The following SEC14L4 variants were observed in gnomAD, a reference collection of about 807,000 sequenced individuals.
SEC14L4 encodes the protein SEC14-like protein 4.
A neutral mutation model predicts 55.1 loss-of-function variants in SEC14L4; 42 were observed. The ratio of observed to expected loss-of-function variants is 0.76; its 90% confidence interval spans 0.60 to 0.99. The LOEUF is 0.99. SEC14L4 is among the 50% of genes least tolerant of loss of function. SEC14L4 has a pLI of 0.00. For synonymous variants in SEC14L4, 206 were observed against 206.8 expected (o/e 1.00, Z 0.03); for missense variants, 445 against 512.1 (o/e 0.87, Z 1.27).
chr22:30,502,447 T>G (rs921592165), intron 2 of SEC14L4, among the ~76,000 whole-genome samples: 2 of 152,244 alleles, frequency 1.3e-5, no homozygotes, highest in Non-Finnish European at 2.9e-5. Context: ...ACTGTATGTA[T>G]GCTTTCCGGG....
At chr22:30,496,066 C>A in intron 2 of SEC14L4, 95 bp from the exon 3 acceptor site, 1 of 861,496 alleles carries the variant, frequency 1.2e-6, no homozygotes, top group South Asian at 1.6e-5. Context: ...TGTCCCCAGC[C>A]TTTTCCTGAC....
At position 30,495,452 on chromosome 22, in the gene SEC14L4, TG is replaced by T; in HGVS notation, c.235-11del. 1 of 1,612,324 alleles carries T rather than the reference TG, an allele frequency of 6.2e-7. No homozygotes were observed. The highest frequency in any genetic ancestry group is 8.5e-7 in the Non-Finnish European group (1 of 1,179,028). On this transcript the variant is annotated splice_polypyrimidine_tract_variant and intron_variant, in intron 4 of 11. Coordinates refer to ENST00000255858, the MANE Select transcript of SEC14L4 (RefSeq NM_174977.4). Reference sequence around the variant, plus strand: ...CATACAGCTGGATGACCTGGAAGTGTGGGTAAGGTCCCGACTCAATCCAGCT... The same window carrying T: ...CATACAGCTGGATGACCTGGAAGTGTGGTAAGGTCCCGACTCAATCCAGCT...
chr22:30,497,500 G>C (rs1410074745), intron 2 of SEC14L4, among the ~76,000 whole-genome samples: 1 of 151,652 alleles, frequency 6.6e-6, no homozygotes, highest in Admixed American at 6.6e-5. Context: ...ACTCCAGCCT[G>C]GGTGACTGAG....
At position 30,495,602 on chromosome 22, in the gene SEC14L4, A is replaced by G; in HGVS notation, c.215T>C (p.Val72Ala). The part of the protein sequence containing the change: ...FRKQQDLDNI[V>A]TWQPPEVIQL... ...GCTCACCTCAGGGGGCTGCCATGTGACAATGTTGTCCAGGTCTTGTTGCTT... is the reference window on the plus strand; with the variant it reads ...GCTCACCTCAGGGGGCTGCCATGTGGCAATGTTGTCCAGGTCTTGTTGCTT... The change falls in exon 4 of 12, where the codon GTC (valine) becomes GCC (alanine). Residue 72 changes from valine to alanine, a missense_variant. Coordinates refer to ENST00000255858, the MANE Select transcript of SEC14L4 (RefSeq NM_174977.4). 1 of 1,613,964 alleles carries G rather than the reference A, an allele frequency of 6.2e-7. No homozygotes were observed. The highest frequency in any genetic ancestry group is 8.5e-7 in the Non-Finnish European group (1 of 1,180,016).
rs754927361 is a variant in SEC14L4, at chr22:30,495,238, C to T, written c.423+16G>A. ...CCTGTAGACAGATGAGGCCCAGCCC[C>T]ACCCCCGCTGCTCACCTTCTGAGTT... is the stretch of plus-strand genomic sequence containing the variant. On this transcript the variant is annotated intron_variant, in intron 5 of 11. Transcript: ENST00000255858. 1 of 1,589,206 alleles carries T rather than the reference C, an allele frequency of 6.3e-7. No individual in the cohort carries two copies.
In SEC14L4 at chr22:30,492,567, A is replaced by G; in HGVS notation, c.581-10T>C. 6.2e-7 allele frequency: 1 copy of G among 1,607,774 alleles called. No homozygotes were observed. ...GGGAACAGTTTTGGGGCTGAAACAC[A>G]TGTAAATCTCTTGAGAAGCTGGACC... On this transcript the variant is annotated splice_polypyrimidine_tract_variant and intron_variant, in intron 7 of 11. Transcript: ENST00000255858.
chr22:30,495,473 C>T (rs1197358870), intron 4 of SEC14L4, 31 bp from the exon 5 acceptor site: 2 of 1,610,426 alleles, frequency 1.2e-6, no homozygotes, highest in Non-Finnish European at 1.7e-6. Context: ...CCGACTCAAT[C>T]CAGCTCACCA....
intron 1 of SEC14L4, among the ~76,000 whole-genome samples, chr22:30,504,729 G>A (rs1399275833): frequency 1.3e-5 from 2 of 152,314 alleles, no homozygotes; most frequent in Non-Finnish European, 2.9e-5. Context: ...CATCTGTTGC[G>A]TCTGAGAGAG....
Position 30,494,336 on chromosome 22 carries a change from A to G in SEC14L4, c.520-126T>C. The G allele has an allele frequency of 5.5e-6, 4 of 727,394 alleles. No individual in the cohort carries two copies. In the South Asian group the frequency reaches 6.3e-5, roughly 12 times the overall value. 45.1% of individuals were successfully genotyped at this position (727,394 alleles called of 1,614,324 possible). A position where few individuals can be genotyped will look rare whatever the true frequency, so the allele number is the denominator to read the frequency against. ...GGCCCATCCTACCTTCCCCACAAGC[A>G]TGTGCCTCTTCCTCTCTGTTATTCT... On this transcript the variant is annotated intron_variant, in intron 6 of 11. Transcript: ENST00000255858.
chr22:30,495,612 C>G lies in SEC14L4; in HGVS notation c.205G>C (p.Asp69His). Residue 69 changes from aspartate (D) to histidine (H), a missense_variant, in exon 4 of 12, where the codon GAC (aspartate) becomes CAC (histidine). Coordinates refer to ENST00000255858, the MANE Select transcript of SEC14L4 (RefSeq NM_174977.4). ...HMEFRKQQDL[D>H]NIVTWQPPEV... ...GGGGGCTGCCATGTGACAATGTTGT[C>G]CAGGTCTTGTTGCTTCCGGAACTCC... 1 of 1,614,010 alleles carries G rather than the reference C, an allele frequency of 6.2e-7. No homozygotes were observed. The highest frequency in any genetic ancestry group is 8.5e-7 in the Non-Finnish European group (1 of 1,180,018).
chr22:30,503,630 C>A (rs35340872), intron 2 of SEC14L4, 47 bp downstream of exon 2: 3 of 1,392,204 alleles, frequency 2.2e-6, no homozygotes, highest in Non-Finnish European at 2.0e-6. Context: ...CTGAGACCCT[C>A]CTTCCTTCCC....
chr22:30,504,247 A>C (rs1601860658), intron 1 of SEC14L4, among the ~76,000 whole-genome samples: 1 of 151,680 alleles, frequency 6.6e-6, no homozygotes, highest in African/African-American at 2.4e-5. Flanking sequence ...TAGAGATGGG[A>C]TCTTGCTATG....
chr22:30,492,073 A>T lies in SEC14L4; in HGVS notation c.747T>A (p.Asp249Glu). Residue 249 changes from aspartate to glutamate, a missense_variant, in exon 9 of 12, where the codon GAT (aspartate) becomes GAA (glutamate). By Grantham distance (45) the Asp-to-Glu change is conservative. Coordinates refer to ENST00000255858, the MANE Select transcript of SEC14L4 (RefSeq NM_174977.4). Reference sequence around the variant, plus strand: ...CCTTGGTCAGGCACTTGGGGTTGCCATCGGGGTCAGTCATGGTCCCCCCAA... The same window carrying T: ...CCTTGGTCAGGCACTTGGGGTTGCCTTCGGGGTCAGTCATGGTCCCCCCAA... The part of the protein sequence containing the change: ...VEFGGTMTDP[D>E]GNPKCLTKIN... The T allele has an allele frequency of 6.2e-7, 1 of 1,613,780 alleles. No individual in the cohort carries two copies. Among genetic ancestry groups the T allele is most frequent in the Non-Finnish European group, 8.5e-7 (1 of 1,179,816 alleles).
intron 2 of SEC14L4, among the ~76,000 whole-genome samples, chr22:30,497,205 G>A (rs1039385026): frequency 1.4e-4 from 21 of 152,124 alleles, no homozygotes; most frequent in African/African-American, 4.3e-4. Flanking sequence ...TGGGCATGGC[G>A]GCAGGTGCCT....
rs1397764572 is a variant in SEC14L4, at chr22:30,488,948, G to A, written c.*1159C>T. Reference sequence around the variant, plus strand: ...TCAAACACCCAGTTGGAACAGGAATGCCTCGTGGCACTGGCTTTAGGAGTT... The same window carrying A: ...TCAAACACCCAGTTGGAACAGGAATACCTCGTGGCACTGGCTTTAGGAGTT... On this transcript the variant is annotated 3_prime_UTR_variant, in exon 12 of 12. Transcript: ENST00000255858. 2 of 141,332 alleles carry A rather than the reference G, an allele frequency of 1.4e-5. No individual in the cohort carries two copies. Among genetic ancestry groups the A allele is most frequent in the Non-Finnish European group, 3.0e-5 (2 of 66,806 alleles). The allele number at this position is 141,332 out of a possible 1,614,324, so 8.8% of individuals were successfully genotyped here.
At chr22:30,497,650 A>G (rs563912051) in intron 2 of SEC14L4, among the ~76,000 whole-genome samples, 42 of 152,268 alleles carry the variant, frequency 2.8e-4, no homozygotes, top group African/African-American at 8.7e-4. Context: ...CTGAACCCAA[A>G]TCTGACCTGT....
chr22:30,495,615 G>T lies in SEC14L4; in HGVS notation c.202C>A (p.Leu68Met), dbSNP rs751477215. ...GGCTGCCATGTGACAATGTTGTCCA[G>T]GTCTTGTTGCTTCCGGAACTCCATG... Reference protein sequence around the residue: ...RHMEFRKQQDLDNIVTWQPPE... With the variant: ...RHMEFRKQQDMDNIVTWQPPE... The change falls in exon 4 of 12, where the codon CTG becomes ATG. Residue 68 changes from leucine (L) to methionine (M), a missense_variant. Physicochemically the swap from Leu to Met is conservative, Grantham distance 15 (BLOSUM62 2). Coordinates refer to ENST00000255858, the MANE Select transcript of SEC14L4 (RefSeq NM_174977.4). The T allele has an allele frequency of 6.2e-7, 1 of 1,613,958 alleles. No homozygotes were observed. The highest frequency in any genetic ancestry group is 8.5e-7 in the Non-Finnish European group (1 of 1,180,046).
intron 3 of SEC14L4, 66 bp downstream of exon 3, chr22:30,495,862 C>T (rs1171358998): frequency 1.9e-6 from 3 of 1,594,900 alleles, no homozygotes; most frequent in Middle Eastern, 1.7e-4. Context: ...AGTCTCTACC[C>T]TTTTGCAGCA....
chr22:30,489,587 C>G lies in SEC14L4; in HGVS notation c.*520G>C, dbSNP rs1382467150. The G allele has an allele frequency of 1.8e-5, 10 of 557,910 alleles. No homozygotes were observed. Among genetic ancestry groups the G allele is most frequent in the Non-Finnish European group, 2.9e-5 (9 of 313,552 alleles). The allele number at this position is 557,910 out of a possible 1,614,324, so 34.6% of individuals were successfully genotyped here. On this transcript the variant is annotated 3_prime_UTR_variant, in exon 12 of 12. Coordinates refer to ENST00000255858, the MANE Select transcript of SEC14L4 (RefSeq NM_174977.4). ...GGTGGCAGAACAAACTTGGATGGGCCCCAGTGCTCTGCTGGAACCAGGACC... is the reference window on the plus strand; with the variant it reads ...GGTGGCAGAACAAACTTGGATGGGCGCCAGTGCTCTGCTGGAACCAGGACC...
Sources: gnomAD v4.1 joint callset for allele counts (sites outside exome capture counted in the v4.1 genomes callset) on GRCh38, gnomAD v4.1.1 for gene constraint, MANE v1.5 for transcripts, NCBI Gene and HGNC (gene_info 2026-07-23, HGNC 2026-07-21) for gene names.